SCLT1: variants seen among roughly 807,000 people sequenced by gnomAD.
SCLT1 encodes sodium channel-associated protein 1.
SCLT1 carries 78 observed loss-of-function variants against 112.8 expected under a neutral mutation model. The ratio of observed to expected loss-of-function variants is 0.69; its 90% CI spans 0.58 to 0.83. SCLT1 has a LOEUF of 0.83. Ranked by LOEUF, SCLT1 falls within the 40% of genes least tolerant of loss-of-function variation. The pLI is 0.00. For synonymous variants in SCLT1, 257 were observed against 254.7 expected (o/e 1.01, Z -0.09); for missense variants, 747 against 770.4 (o/e 0.97, Z 0.36).
At chr4:129,001,146 C>T (rs962774298) in intron 6 of SCLT1, among the ~76,000 whole-genome samples, 3 of 151,848 alleles carry the variant, frequency 2.0e-5, no homozygotes, top group African/African-American at 7.3e-5. Flanking sequence ...TGCCTCATAC[C>T]TCAAAATGTC....
intron 9 of SCLT1, chr4:128,970,678 T>A: frequency 2.0e-6 from 1 of 501,386 alleles, no homozygotes; most frequent in South Asian, 2.5e-5. Context: ...TGGCGAAGGG[T>A]ATGAAGTAGA....
intron 9 of SCLT1, among the ~76,000 whole-genome samples, chr4:128,987,701 A>G (rs1742221705): frequency 6.6e-6 from 1 of 152,184 alleles, no homozygotes; most frequent in Non-Finnish European, 1.5e-5. Context: ...ACAGTCTTAA[A>G]GGGGCAAATC....
rs369843730 is a variant in SCLT1, at chr4:129,093,169, T to A, written c.-66A>T. On this transcript the variant is annotated 5_prime_UTR_variant, in exon 1 of 21. Transcript: ENST00000281142. ...TTCCTCTGAAAGACAGAGAGCTTGC[T>A]GTGCGGGAAAACAAAACTAAGCCAA... The A allele has an allele frequency of 1.5e-4, 230 of 1,510,066 alleles. 3 individuals are homozygous for A. Among genetic ancestry groups the A allele is most frequent in the Non-Finnish European group, 2.0e-5 (22 of 1,086,254 alleles). The allele number at this position is 1,510,066 out of a possible 1,614,324, so 93.5% of individuals were successfully genotyped here.
intron 5 of SCLT1, among the ~76,000 whole-genome samples, chr4:129,004,926 A>C (rs1340248541): frequency 6.6e-6 from 1 of 151,702 alleles, no homozygotes; most frequent in Admixed American, 6.6e-5. Flanking sequence ...ATTTTTAAAT[A>C]TCTAACAGTG....
intron 9 of SCLT1, among the ~76,000 whole-genome samples, chr4:128,983,671 G>A (rs1262275173): frequency 6.6e-6 from 1 of 152,146 alleles, no homozygotes; most frequent in African/African-American, 2.4e-5. Flanking sequence ...AAAATAGGCT[G>A]AAAAGTTTTA....
At chr4:129,077,331 G>A (rs1013240414) in intron 2 of SCLT1, among the ~76,000 whole-genome samples, 8 of 152,070 alleles carry the variant, frequency 5.3e-5, no homozygotes, top group Non-Finnish European at 8.8e-5. Context: ...ACTGAATAAA[G>A]TATGTTCATT....
At chr4:128,929,351 TTAA>T (rs1736569405) in intron 18 of SCLT1, among the ~76,000 whole-genome samples, 2 of 152,206 alleles carry the variant, frequency 1.3e-5, no homozygotes, top group South Asian at 2.1e-4. Flanking sequence ...ATTGAAAGAC[TTAA>T]TATTATAAAA....
rs139255081 is a variant in SCLT1, at chr4:129,039,891, T to TGCGC, written c.235-799_235-796dup. Reference sequence around the variant, plus strand: ...AGTGTGAATGAGCAAATGGAGAGTGTGCGCGCGCGCACACACACACACACA... The same window carrying TGCGC: ...AGTGTGAATGAGCAAATGGAGAGTGTGCGCGCGCGCGCGCACACACACACACACA... On this transcript the variant is annotated intron_variant, in intron 4 of 20. Transcript: ENST00000281142. The TGCGC allele has an allele frequency of 2.0e-4, 52 of 264,146 alleles. 1 individual carries two copies. Among genetic ancestry groups the TGCGC allele is most frequent in the African/African-American group, 1.7e-3 (47 of 28,262 alleles). The allele number at this position is 264,146 out of a possible 1,614,324, so 16.4% of individuals were successfully genotyped here.
chr4:128,917,507 T>C (rs546474380), intron 18 of SCLT1, among the ~76,000 whole-genome samples: 43 of 152,336 alleles, frequency 2.8e-4, no homozygotes, highest in African/African-American at 1.0e-3. Context: ...GATGCTGTAA[T>C]TGACCACAGA....
intron 5 of SCLT1, among the ~76,000 whole-genome samples, chr4:129,024,974 T>C (rs1389909973): frequency 1.3e-5 from 2 of 151,810 alleles, no homozygotes; most frequent in African/African-American, 4.8e-5. Context: ...ATGAATGAAA[T>C]GAAGCGAGAA....
chr4:128,926,049 C>T (rs1465120531), intron 18 of SCLT1, among the ~76,000 whole-genome samples: 7 of 147,800 alleles, frequency 4.7e-5, no homozygotes, highest in Admixed American at 3.4e-4. Context: ...TAATTTTATC[C>T]CCTCTCATTT....
chr4:129,055,611 A>C (rs975034235), intron 2 of SCLT1, among the ~76,000 whole-genome samples: 1 of 152,072 alleles, frequency 6.6e-6, no homozygotes, highest in Non-Finnish European at 1.5e-5. Flanking sequence ...GTAATGGTGG[A>C]TGCCCCTCCC....
intron 2 of SCLT1, among the ~76,000 whole-genome samples, chr4:129,063,063 A>G (rs1750134534): frequency 6.6e-6 from 1 of 152,172 alleles, no homozygotes; most frequent in Non-Finnish European, 1.5e-5. Flanking sequence ...AGCTTTCTTA[A>G]TTACTTTTCA....
intron 9 of SCLT1, chr4:128,971,747 G>T (rs1354500224): frequency 6.6e-6 from 1 of 152,218 alleles, no homozygotes; most frequent in African/African-American, 2.4e-5. Context: ...AACAGGCCAG[G>T]TGCGGTGGCT....
At chr4:129,078,135 GGTTAGCTTCACAA>G (rs1751619674) in intron 2 of SCLT1, among the ~76,000 whole-genome samples, 3 of 152,184 alleles carry the variant, frequency 2.0e-5, no homozygotes, top group Admixed American at 2.0e-4. Context: ...AGAGAAGAAT[GGTTAGCTTCACAA>G]AAGTAAAGCA....
intron 18 of SCLT1, among the ~76,000 whole-genome samples, chr4:128,898,849 C>G (rs890839440): frequency 6.6e-6 from 1 of 152,146 alleles, no homozygotes; most frequent in Non-Finnish European, 1.5e-5. Flanking sequence ...GATATCACCA[C>G]CAATCTCACA....
intron 9 of SCLT1, among the ~76,000 whole-genome samples, chr4:128,979,904 T>C (rs1408531530): frequency 6.6e-6 from 1 of 152,198 alleles, no homozygotes; most frequent in Non-Finnish European, 1.5e-5. Context: ...ACCAGTGTGT[T>C]CTAGAAGTCT....
intron 18 of SCLT1, among the ~76,000 whole-genome samples, chr4:128,908,254 CAT>C (rs1734831736): frequency 6.6e-6 from 1 of 152,022 alleles, no homozygotes; most frequent in Non-Finnish European, 1.5e-5. Context: ...GACAAATTAA[CAT>C]AGCATGTGCC....
chr4:129,036,461 T>C (rs931729514), intron 5 of SCLT1: 2 of 152,066 alleles, frequency 1.3e-5, no homozygotes, highest in African/African-American at 4.8e-5. Context: ...GAAATATTTA[T>C]AATATTCTTT....
Sources: gnomAD v4.1 joint callset for allele counts (sites outside exome capture counted in the v4.1 genomes callset) on GRCh38, gnomAD v4.1.1 for gene constraint, MANE v1.5 for transcripts, NCBI Gene and HGNC (gene_info 2026-07-23, HGNC 2026-07-21) for gene names.